NSFL1C: variants seen among roughly 807,000 people sequenced by gnomAD.
The protein encoded by NSFL1C is NSFL1 cofactor, also known as NSFL1 cofactor p47.
In NSFL1C, 14 loss-of-function variants were observed where a neutral mutation model predicts 43.1. The ratio of observed to expected loss-of-function variants is 0.32; its 90% CI spans 0.21 to 0.51. The LOEUF (loss-of-function observed/expected upper bound fraction) is 0.51. Among genes scored for constraint, NSFL1C ranks in the 20% least tolerant of loss-of-function variants. The pLI, the probability that NSFL1C is intolerant of heterozygous loss-of-function variation, is 0.98. For missense variants in NSFL1C, 406 were observed against 472.5 expected (o/e 0.86, Z 1.30); for synonymous variants, 171 against 183.5 (o/e 0.93, Z 0.55).
intron 7 of NSFL1C, among the ~76,000 whole-genome samples, chr20:1,448,272 G>A (rs1343284154): frequency 1.3e-5 from 2 of 152,218 alleles, no homozygotes; most frequent in East Asian, 3.8e-4. Context: ...AAGCTTTGGA[G>A]CTGAGCCACC....
intron 1 of NSFL1C, among the ~76,000 whole-genome samples, chr20:1,464,979 G>A (rs1050990606): frequency 1.3e-5 from 2 of 152,152 alleles, no homozygotes; most frequent in South Asian, 2.1e-4. Flanking sequence ...GTCAGTCCAG[G>A]TTGCTACTTT....
chr20:1,453,353 A>G (rs2090224348), intron 5 of NSFL1C, among the ~76,000 whole-genome samples: 2 of 152,226 alleles, frequency 1.3e-5, no homozygotes, highest in South Asian at 4.1e-4. Flanking sequence ...GACTAAGAGC[A>G]GGGGTTTTGT....
At chr20:1,461,607 T>C (rs560216200) in intron 2 of NSFL1C, among the ~76,000 whole-genome samples, 8 of 152,214 alleles carry the variant, frequency 5.3e-5, no homozygotes, top group Admixed American at 3.3e-4. Flanking sequence ...CTGGAGGACT[T>C]TGAATGTCCA....
chr20:1,455,225 G>T, intron 3 of NSFL1C, 93 bp from the exon 4 acceptor site: 4 of 1,379,216 alleles, frequency 2.9e-6, no homozygotes, highest in Non-Finnish European at 2.1e-6. Context: ...GAGGCAAAGG[G>T]TACAATGCTT....
intron 7 of NSFL1C, among the ~76,000 whole-genome samples, chr20:1,449,734 C>G (rs1021097578): frequency 6.6e-6 from 1 of 152,128 alleles, no homozygotes. Flanking sequence ...CCCGAATCAC[C>G]CAACTCCTCC....
At chr20:1,448,130 A>C (rs2090105527) in intron 7 of NSFL1C, among the ~76,000 whole-genome samples, 1 of 152,194 alleles carries the variant, frequency 6.6e-6, no homozygotes, top group South Asian at 2.1e-4. Context: ...GTTACTGAGC[A>C]TCTTGGCACC....
At position 1,442,197 on chromosome 20, in the gene NSFL1C, T is replaced by C. The variant is rs1294765892; in HGVS notation, c.*1552A>G. The C allele has an allele frequency of 6.6e-6, 1 of 152,214 alleles. No individual in the cohort carries two copies. The highest frequency in any genetic ancestry group is 1.5e-5 in the Non-Finnish European group (1 of 68,038). The allele number at this position is 152,214 out of a possible 1,614,324, so 9.4% of individuals were successfully genotyped here. On this transcript the variant is annotated 3_prime_UTR_variant, in exon 9 of 9. Transcript: ENST00000216879. ...TCATTCTGGTTTTTAATGGTCAAGG[T>C]GACAACAGTGTACAGTTTTTCCAGA...
chr20:1,458,291 G>A lies in NSFL1C; in HGVS notation c.204-17C>T, dbSNP rs576811203. 91 of 1,604,638 alleles carry A rather than the reference G, an allele frequency of 5.7e-5. No homozygotes were observed. The East Asian group carries it at 1.5e-3, about 26-fold the overall frequency. Reference sequence around the variant, plus strand: ...CTATTATCACTGGAGACACAGAAAGGAGCAAAATGATCTCAGGGAGCATTA... The same window carrying A: ...CTATTATCACTGGAGACACAGAAAGAAGCAAAATGATCTCAGGGAGCATTA... On this transcript the variant is annotated splice_polypyrimidine_tract_variant and intron_variant, in intron 2 of 8. Coordinates refer to ENST00000216879, the MANE Select transcript of NSFL1C (RefSeq NM_016143.5).
At chr20:1,466,006 G>A (rs1316360345) in intron 1 of NSFL1C, among the ~76,000 whole-genome samples, 1 of 152,176 alleles carries the variant, frequency 6.6e-6, no homozygotes, top group Non-Finnish European at 1.5e-5. Context: ...GACGAAGCTG[G>A]CCAAGAATAT....
intron 3 of NSFL1C, chr20:1,457,880 T>C (rs2090334128): frequency 3.9e-6 from 1 of 257,474 alleles, no homozygotes. Flanking sequence ...AGCACCGCAA[T>C]GAGCACGGGA....
intron 1 of NSFL1C, 72 bp downstream of exon 1, chr20:1,466,648 G>T: frequency 1.4e-6 from 2 of 1,402,024 alleles, no homozygotes; most frequent in Non-Finnish European, 1.9e-6. Flanking sequence ...CGGCCGCCGC[G>T]GGCTTAAGGC....
intron 8 of NSFL1C, 105 bp downstream of exon 8, chr20:1,445,561 T>C (rs2090040086): frequency 1.5e-6 from 2 of 1,302,892 alleles, no homozygotes; most frequent in Non-Finnish European, 2.2e-6. Flanking sequence ...AAGCATGGAG[T>C]GCCTGCTGGT....
At position 1,461,369 on chromosome 20, in the gene NSFL1C, C is replaced by T. The variant is rs545155776; in HGVS notation, c.203+2960G>A. ...CCTGGTCACAGGGTTAGCAATAACA[C>T]GCTCAGCAGAGTGGGGATGGAGGTA... On this transcript the variant is annotated intron_variant, in intron 2 of 8. Coordinates refer to ENST00000216879, the MANE Select transcript of NSFL1C (RefSeq NM_016143.5). 9.2e-5 allele frequency among the ~76,000 whole-genome samples: 14 copies of T among 152,212 alleles called. No homozygotes were observed. In the South Asian group the frequency reaches 1.7e-3, roughly 18 times the overall value.
intron 2 of NSFL1C, among the ~76,000 whole-genome samples, chr20:1,459,957 C>A (rs1044481377): frequency 6.6e-6 from 1 of 152,212 alleles, no homozygotes; most frequent in Non-Finnish European, 1.5e-5. Flanking sequence ...TTGGGCAAAT[C>A]ACTTGCTCTG....
At chr20:1,451,900 G>C (rs2090189051) in intron 7 of NSFL1C, among the ~76,000 whole-genome samples, 3 of 152,204 alleles carry the variant, frequency 2.0e-5, no homozygotes, top group African/African-American at 7.2e-5. Context: ...GTCAGGAAGG[G>C]CCAAATAAGT....
At chr20:1,448,301 T>C (rs2090110759) in intron 7 of NSFL1C, among the ~76,000 whole-genome samples, 1 of 152,268 alleles carries the variant, frequency 6.6e-6, no homozygotes, top group South Asian at 2.1e-4. Context: ...GCCTCTGCTC[T>C]GCCTCTAAAC....
Position 1,443,697 on chromosome 20 carries a change from G to A in NSFL1C, c.*52C>T, listed in dbSNP as rs2089997023. 8 of 1,601,640 alleles carry A rather than the reference G, an allele frequency of 5.0e-6. No homozygotes were observed. In the East Asian group the frequency reaches 1.8e-4, roughly 36 times the overall value. The stretch of plus-strand genomic sequence containing the variant: ...AGGAGGGGCGATCCCCATGGGGCAT[G>A]GCCACTGGCCATGGGAAACACAGGA... On this transcript the variant is annotated 3_prime_UTR_variant, in exon 9 of 9. Transcript: ENST00000216879.
intron 3 of NSFL1C, 43 bp downstream of exon 3, chr20:1,458,157 C>T: frequency 2.0e-6 from 3 of 1,491,098 alleles, no homozygotes; most frequent in Non-Finnish European, 2.8e-6. Flanking sequence ...TTACCCTGGA[C>T]TTCCCTGTGA....
intron 3 of NSFL1C, 35 bp from the exon 4 acceptor site, chr20:1,455,167 C>T: frequency 6.2e-7 from 1 of 1,612,330 alleles, no homozygotes; most frequent in East Asian, 2.2e-5. Flanking sequence ...ATGAAACACT[C>T]ATGGAAAACA....
Sources: allele counts gnomAD v4.1 joint callset (sites outside exome capture counted in the v4.1 genomes callset), GRCh38; gene constraint gnomAD v4.1.1; transcripts MANE v1.5; gene names NCBI Gene and HGNC (gene_info 2026-07-23, HGNC 2026-07-21).